Variants in CRCP observed in about 807,000 individuals in gnomAD.
CRCP encodes the protein CGRP receptor component, also known as DNA-directed RNA polymerase III subunit RPC9.
A neutral mutation model predicts 18.5 loss-of-function variants in CRCP; 18 were observed. That is an observed-to-expected ratio of 0.97 (90% CI 0.67 to 1.44). The LOEUF is 1.44. CRCP is among the 40% of genes most tolerant of loss of function. The probability of loss-of-function intolerance (pLI) is 0.00; values close to 1 mark genes in which losing one functional copy is unlikely to be tolerated. For missense variants in CRCP, 130 were observed against 176.4 expected (o/e 0.74, Z 1.49); for synonymous variants, 53 against 62.9 (o/e 0.84, Z 0.75).
intron 4 of CRCP, among the ~76,000 whole-genome samples, chr7:66,138,303 C>G (rs948010412): frequency 1.4e-4 from 21 of 152,230 alleles, no homozygotes; most frequent in Admixed American, 8.5e-4. Flanking sequence ...CTTTGGGAGG[C>G]TGAGGCGGGA....
intron 5 of CRCP, 107 bp downstream of exon 5, chr7:66,145,607 A>G (rs1329381751): frequency 1.1e-5 from 13 of 1,146,478 alleles, no homozygotes; most frequent in Non-Finnish European, 1.7e-5. Flanking sequence ...CTGCCCAACC[A>G]CTCCATTTCT....
chr7:66,135,055 A>C (rs1312263023), intron 4 of CRCP, among the ~76,000 whole-genome samples: 1 of 152,220 alleles, frequency 6.6e-6, no homozygotes, highest in Non-Finnish European at 1.5e-5. Context: ...GAACAGGGCC[A>C]ACCATTTCTA....
chr7:66,124,347 G>A (rs1787553330), intron 1 of CRCP, among the ~76,000 whole-genome samples: 2 of 151,936 alleles, frequency 1.3e-5, no homozygotes, highest in East Asian at 1.9e-4. Context: ...GAGACAGAGC[G>A]AGACTCCTTC....
intron 2 of CRCP, among the ~76,000 whole-genome samples, chr7:66,128,303 A>C (rs1787677566): frequency 6.6e-6 from 1 of 152,150 alleles, no homozygotes; most frequent in African/African-American, 2.4e-5. Flanking sequence ...CCTTCTCTAA[A>C]TCTCAACGAT....
chr7:66,128,048 G>A (rs549193982), intron 2 of CRCP, among the ~76,000 whole-genome samples: 4 of 151,564 alleles, frequency 2.6e-5, no homozygotes, highest in South Asian at 2.1e-4. Flanking sequence ...CCCAGGAGGC[G>A]GAGGTTGCAG....
chr7:66,117,133 A>C (rs561056457), intron 1 of CRCP, among the ~76,000 whole-genome samples: 147 of 152,008 alleles, frequency 9.7e-4, no homozygotes, highest in African/African-American at 3.4e-3. Flanking sequence ...AAAAAAAAAA[A>C]AAAACCTGAT....
At chr7:66,133,235 G>A (rs1365746288) in intron 3 of CRCP, among the ~76,000 whole-genome samples, 1 of 152,088 alleles carries the variant, frequency 6.6e-6, no homozygotes, top group Non-Finnish European at 1.5e-5. Context: ...GCCGGGTGCG[G>A]TGTCTCATGC....
chr7:66,138,524 G>A lies in CRCP; in HGVS notation c.239+4150G>A, dbSNP rs558537020. ...CACTAGCCTGGGCGCGGTGGCTCAC[G>A]CCTGTAATCCCAGCACTTTGGGAGG... On this transcript the variant is annotated intron_variant, in intron 4 of 5. Transcript: ENST00000395326. Among the ~76,000 whole-genome samples, 3 of 149,926 alleles carry A rather than the reference G, an allele frequency of 2.0e-5. No individual in the cohort carries two copies. The Admixed American group carries it at 2.0e-4, about 10-fold the overall frequency.
At chr7:66,147,418 T>A (rs1379084216) in intron 5 of CRCP, among the ~76,000 whole-genome samples, 1 of 151,844 alleles carries the variant, frequency 6.6e-6, no homozygotes, top group Admixed American at 6.6e-5. Context: ...TGATTGTCTG[T>A]CACTTCGAAT....
At chr7:66,150,374 T>G (rs1788422529) in intron 5 of CRCP, among the ~76,000 whole-genome samples, 1 of 34,560 alleles carries the variant, frequency 2.9e-5, no homozygotes, top group Non-Finnish European at 5.9e-5. Context: ...AGTTGAAGAT[T>G]GTTTCTTTCT....
At chr7:66,120,792 G>C (rs1787415004) in intron 1 of CRCP, 1 of 152,140 alleles carries the variant, frequency 6.6e-6, no homozygotes, top group African/African-American at 2.4e-5. Flanking sequence ...ACCCACGTAT[G>C]TGGAGAGCTG....
chr7:66,123,566 T>C (rs1350113002), intron 1 of CRCP, among the ~76,000 whole-genome samples: 2 of 151,702 alleles, frequency 1.3e-5, no homozygotes, highest in Non-Finnish European at 2.9e-5. Context: ...CTGACCAACA[T>C]GGAGAAACCC....
chr7:66,135,276 C>T (rs1273817547), intron 4 of CRCP, among the ~76,000 whole-genome samples: 1 of 152,152 alleles, frequency 6.6e-6, no homozygotes, highest in Non-Finnish European at 1.5e-5. Flanking sequence ...TTTAGAAACA[C>T]AAGTGAGTAT....
chr7:66,149,091 C>A (rs1788381560), intron 5 of CRCP, among the ~76,000 whole-genome samples: 1 of 152,236 alleles, frequency 6.6e-6, no homozygotes, highest in South Asian at 2.1e-4. Flanking sequence ...TTATGTTAAC[C>A]CAGCTGTTGA....
intron 1 of CRCP, among the ~76,000 whole-genome samples, chr7:66,125,842 T>C (rs1029339418): frequency 6.7e-6 from 1 of 149,152 alleles, no homozygotes; most frequent in African/African-American, 2.4e-5. Flanking sequence ...TCGAGTCAAG[T>C]ATTCCAGGAA....
chr7:66,115,467 G>A (rs913897800), intron 1 of CRCP, among the ~76,000 whole-genome samples: 1 of 152,176 alleles, frequency 6.6e-6, no homozygotes, highest in African/African-American at 2.4e-5. Context: ...AACACTGTGA[G>A]GGAAGGGGCT....
At chr7:66,131,476 G>A (rs546624724) in intron 3 of CRCP, among the ~76,000 whole-genome samples, 10 of 152,162 alleles carry the variant, frequency 6.6e-5, no homozygotes, top group African/African-American at 2.4e-4. Context: ...CTGGGACTAT[G>A]GGCATCCACT....
At chr7:66,117,892 C>A (rs1787319058) in intron 1 of CRCP, among the ~76,000 whole-genome samples, 1 of 152,214 alleles carries the variant, frequency 6.6e-6, no homozygotes. Flanking sequence ...ACCTTCTAAG[C>A]ACTTCCTGAG....
intron 3 of CRCP, among the ~76,000 whole-genome samples, chr7:66,133,924 T>G (rs1787890256): frequency 6.8e-6 from 1 of 147,034 alleles, no homozygotes; most frequent in Non-Finnish European, 1.5e-5. Context: ...CATGGTGTGA[T>G]CTCGGCTCAC....
Sources: gnomAD v4.1 joint callset for allele counts (sites outside exome capture counted in the v4.1 genomes callset) on GRCh38, gnomAD v4.1.1 for gene constraint, MANE v1.5 for transcripts, NCBI Gene and HGNC (gene_info 2026-07-23, HGNC 2026-07-21) for gene names.